The following OTOG variants were observed in gnomAD, a reference collection of about 807,000 sequenced individuals.
OTOG encodes otogelin.
A neutral mutation model predicts 313.8 loss-of-function variants in OTOG; 296 were observed. The observed-to-expected ratio is 0.94, with a 90% CI of 0.86 to 1.04. OTOG has a LOEUF of 1.04. Ranked by LOEUF, OTOG falls within the 50% of genes least tolerant of loss-of-function variation. The pLI, the probability that OTOG is intolerant of heterozygous loss-of-function variation, is 0.00. For synonymous variants in OTOG, 1,533 were observed against 1,554.9 expected (o/e 0.99, Z 0.33); for missense variants, 3,948 against 3,840.1 (o/e 1.03, Z -0.74).
At position 17,594,130 on chromosome 11, in the gene OTOG, C is replaced by G; in HGVS notation, c.3372C>G (p.Asn1124Lys). ...MRTPENLELT[N>K]PQEFGSSWAA... Reference sequence around the variant, plus strand: ...CCCCGGAGAACCTAGAGCTAACTAACCCCCAGGAGTTTGGCAGCAGTTGGG... The same window carrying G: ...CCCCGGAGAACCTAGAGCTAACTAAGCCCCAGGAGTTTGGCAGCAGTTGGG... Residue 1124 changes from asparagine to lysine, a missense_variant, in exon 28 of 56, where the codon AAC (asparagine) becomes AAG (lysine). Coordinates refer to ENST00000399397, the MANE Select transcript of OTOG (RefSeq NM_001292063.2). The G allele has an allele frequency of 6.4e-7, 1 of 1,550,598 alleles. No homozygotes were observed. Among genetic ancestry groups the G allele is most frequent in the Non-Finnish European group, 8.7e-7 (1 of 1,146,988 alleles).
At chr11:17,568,739 G>C (rs1007624024) in intron 15 of OTOG, among the ~76,000 whole-genome samples, 21 of 152,172 alleles carry the variant, frequency 1.4e-4, no homozygotes, top group African/African-American at 5.1e-4. Context: ...TTTCCTGCCT[G>C]CCTGTCAGTG....
At chr11:17,635,051 C>G in intron 45 of OTOG, 29 bp from the exon 46 acceptor site, 3 of 1,540,700 alleles carry the variant, frequency 1.9e-6, no homozygotes, top group Non-Finnish European at 2.6e-6. Flanking sequence ...GGTTCCTCTC[C>G]CAGCACCTAA....
intron 20 of OTOG, among the ~76,000 whole-genome samples, chr11:17,576,102 G>A (rs890300195): frequency 5.3e-5 from 8 of 152,262 alleles, no homozygotes; most frequent in Non-Finnish European, 1.2e-4. Context: ...CTGGCCAGAG[G>A]TCAATGTACT....
chr11:17,631,642 C>G lies in OTOG; in HGVS notation c.6713-60C>G, dbSNP rs184515264. The G allele has an allele frequency of 1.1e-4, 155 of 1,360,012 alleles. 2 individuals are homozygous for G. Among genetic ancestry groups the G allele is most frequent in the Non-Finnish European group, 4.2e-5 (41 of 982,882 alleles). 84.2% of individuals were successfully genotyped at this position (1,360,012 alleles called of 1,614,324 possible). A position where few individuals can be genotyped will look rare whatever the true frequency, so the allele number is the denominator to read the frequency against. On this transcript the variant is annotated intron_variant, in intron 40 of 55. Coordinates refer to ENST00000399397, the MANE Select transcript of OTOG (RefSeq NM_001292063.2). ...CTGTGAGGAATACAAAAAGTGAGAG[C>G]TGACGACATGGGAGTGGTAGTGATG...
chr11:17,638,717 T>G (rs2133715976), intron 48 of OTOG, 168 bp downstream of exon 48: 1 of 1,540,080 alleles, frequency 6.5e-7, no homozygotes, highest in Admixed American at 2.0e-5. Flanking sequence ...GCACTCCAAG[T>G]GCTGAGCATT....
In OTOG at chr11:17,570,677, T is replaced by C. The variant is rs1852385253; in HGVS notation, c.1955+287T>C. ...AGGAATCCTATTTTTGATAAGCACC[T>C]CTAAGATTCCAGTATGGGAGGTCTA... On this transcript the variant is annotated intron_variant, in intron 17 of 55. Coordinates refer to ENST00000399397, the MANE Select transcript of OTOG (RefSeq NM_001292063.2). The C allele has an allele frequency of 1.0e-5, 3 of 291,178 alleles. No homozygotes were observed. In the South Asian group the frequency reaches 2.2e-4, roughly 21 times the overall value. The allele number at this position is 291,178 out of a possible 1,614,324, so 18.0% of individuals were successfully genotyped here.
intron 39 of OTOG, among the ~76,000 whole-genome samples, chr11:17,615,883 G>T (rs1022743470): frequency 6.6e-6 from 1 of 152,034 alleles, no homozygotes; most frequent in African/African-American, 2.4e-5. Context: ...AGCTGAGATT[G>T]CACCATTGCA....
At chr11:17,616,207 C>G (rs566692697) in intron 39 of OTOG, among the ~76,000 whole-genome samples, 1 of 151,924 alleles carries the variant, frequency 6.6e-6, no homozygotes, top group Admixed American at 6.6e-5. Flanking sequence ...CAAGTGTATG[C>G]CACCATGCCT....
Position 17,632,121 on chromosome 11 carries a change from C to T in OTOG, c.6967C>T (p.Arg2323Trp), listed in dbSNP as rs755149839. 2.5e-5 allele frequency: 39 copies of T among 1,550,880 alleles called. No individual in the cohort carries two copies. The highest frequency in any genetic ancestry group is 1.5e-4 in the African/African-American group (11 of 73,052). The change falls in exon 42 of 56, where the codon CGG becomes TGG. Residue 2323 changes from arginine (R) to tryptophan (W), a missense_variant. Transcript: ENST00000399397. ...PPESFCELWI[R>W]DTKYVQQPCV... is the part of the protein sequence containing the mutation. ...GGAGTCATTCTGTGAGCTGTGGATC[C>T]GGGACACCAAGTACGTGCAGCAGCC...
chr11:17,559,301 C>G (rs1040085599), intron 11 of OTOG, 140 bp downstream of exon 11: 5 of 930,432 alleles, frequency 5.4e-6, no homozygotes, highest in African/African-American at 1.7e-5. Flanking sequence ...ATGAGAAAGA[C>G]GAAAAAACTG....
At chr11:17,551,181 T>C (rs770609140) in intron 3 of OTOG, among the ~76,000 whole-genome samples, 2 of 152,182 alleles carry the variant, frequency 1.3e-5, no homozygotes, top group African/African-American at 4.8e-5. Context: ...ATGAGGAGGC[T>C]GAACCTCTAA....
At position 17,609,965 on chromosome 11, in the gene OTOG, T is replaced by A. The variant is rs1853484909; in HGVS notation, c.4665T>A (p.Thr1555=). ...AGTCCCCAGCCAGCAAGGGAGTGACTGCCAGCCTCCTGGCCATCCCCCATA... is the reference window on the plus strand; with the variant it reads ...AGTCCCCAGCCAGCAAGGGAGTGACAGCCAGCCTCCTGGCCATCCCCCATA... ...PTESPASKGV[T]ASLLAIPHTP... Residue 1555 remains threonine, a synonymous_variant, in exon 36 of 56, where the codon ACT becomes ACA. Coordinates refer to ENST00000399397, the MANE Select transcript of OTOG (RefSeq NM_001292063.2). 1 of 1,542,752 alleles carries A rather than the reference T, an allele frequency of 6.5e-7. No individual in the cohort carries two copies. The highest frequency in any genetic ancestry group is 8.8e-7 in the Non-Finnish European group (1 of 1,142,192).
In OTOG at chr11:17,608,320, AC is replaced by A; in HGVS notation, c.4185del (p.Ile1396SerfsTer31). ...GATGCCAAGCCCTCGGGGGCTGCCT[AC>A]CCCATCTGCGAGTGGCGCTACGATG... ...LLDAKPSGAA[Y>X]PICEWRYDAC... On this transcript the variant is annotated frameshift_variant, in exon 34 of 56. Coordinates refer to ENST00000399397, the MANE Select transcript of OTOG (RefSeq NM_001292063.2). LOFTEE classifies it high-confidence loss of function. 6.5e-7 allele frequency: 1 copy of A among 1,543,292 alleles called. No individual in the cohort carries two copies. Among genetic ancestry groups the A allele is most frequent in the Non-Finnish European group, 8.7e-7 (1 of 1,143,954 alleles).
rs990516929 is a variant in OTOG, at chr11:17,555,804, C to T, written c.566C>T (p.Ser189Phe). 3.2e-6 allele frequency: 5 copies of T among 1,550,662 alleles called. No homozygotes were observed. Among genetic ancestry groups the T allele is most frequent in the African/African-American group, 1.4e-5 (1 of 73,174 alleles). Residue 189 changes from serine (S) to phenylalanine (F), a missense_variant, in exon 7 of 56, where the codon TCT (serine) becomes TTT (phenylalanine). Coordinates refer to ENST00000399397, the MANE Select transcript of OTOG (RefSeq NM_001292063.2). ...GTACACAATGACCCGCAGTGTGGCT[C>T]TTCACCCTACACCTGCTCCAGGGCT... ...IQVHNDPQCGSSPYTCSRAVS... is the reference protein window; with the variant it reads ...IQVHNDPQCGFSPYTCSRAVS...
At chr11:17,628,552 T>C (rs957590985) in intron 39 of OTOG, among the ~76,000 whole-genome samples, 1 of 152,228 alleles carries the variant, frequency 6.6e-6, no homozygotes, top group African/African-American at 2.4e-5. Context: ...CAAATATTGA[T>C]TGAGCCCCTA....
intron 15 of OTOG, among the ~76,000 whole-genome samples, 167 bp downstream of exon 15, chr11:17,561,974 G>A (rs1288355225): frequency 6.6e-6 from 1 of 150,384 alleles, no homozygotes; most frequent in African/African-American, 2.4e-5. Context: ...TCTGCTCTCT[G>A]CTGACTGAGT....
intron 39 of OTOG, among the ~76,000 whole-genome samples, chr11:17,627,140 A>C (rs1477989966): frequency 2.6e-5 from 4 of 152,224 alleles, no homozygotes; most frequent in Non-Finnish European, 5.9e-5. Context: ...TCTAGGTAGG[A>C]CTTCTAATAC....
At chr11:17,614,880 G>T (rs1170970992) in intron 39 of OTOG, among the ~76,000 whole-genome samples, 1 of 152,160 alleles carries the variant, frequency 6.6e-6, no homozygotes, top group Non-Finnish European at 1.5e-5. Flanking sequence ...TGTAGATAAA[G>T]CCCCCAGGAG....
chr11:17,644,316 A>G (rs937175493), intron 54 of OTOG, among the ~76,000 whole-genome samples: 1 of 152,260 alleles, frequency 6.6e-6, no homozygotes, highest in Admixed American at 6.5e-5. Context: ...CCTGGAGCAG[A>G]GAGGGAAGAC....
Sources: allele counts gnomAD v4.1 joint callset (sites outside exome capture counted in the v4.1 genomes callset), GRCh38; gene constraint gnomAD v4.1.1; transcripts MANE v1.5; gene names NCBI Gene and HGNC (gene_info 2026-07-23, HGNC 2026-07-21).